The following ERBIN variants were observed in gnomAD, a reference collection of about 807,000 sequenced individuals.
ERBIN encodes densin-180-like protein.
ERBIN carries 60 observed loss-of-function variants against 158.4 expected under a neutral mutation model. That is an observed-to-expected ratio of 0.38 (90% CI 0.31 to 0.47). ERBIN has a LOEUF of 0.47. Among genes scored for constraint, ERBIN ranks in the 20% least tolerant of loss-of-function variants. The pLI is 0.99. For synonymous variants in ERBIN, 594 were observed against 557.2 expected (o/e 1.07, Z -0.93); for missense variants, 1,610 against 1,648.0 (o/e 0.98, Z 0.40).
Position 65,992,749 on chromosome 5 carries a change from T to C in ERBIN, c.31T>C (p.Leu11=), listed in dbSNP as rs958590349. 2.2e-5 allele frequency: 35 copies of C among 1,609,870 alleles called. No homozygotes were observed. The highest frequency in any genetic ancestry group is 2.8e-5 in the Non-Finnish European group (33 of 1,178,752). The change falls in exon 3 of 26, where the codon TTG becomes CTG. Residue 11 remains leucine (L), a synonymous_variant. Coordinates refer to ENST00000284037, the MANE Select transcript of ERBIN (RefSeq NM_001253697.2). ...TACAAAACGAAGTTTGTTTGTGCGGTTGGTACCATGTCGCTGTCTACGAGG... is the reference window on the plus strand; with the variant it reads ...TACAAAACGAAGTTTGTTTGTGCGGCTGGTACCATGTCGCTGTCTACGAGG... The part of the protein sequence containing the change: MTTKRSLFVR[L]VPCRCLRGEE...
chr5:65,997,880 CACAATTA>C (rs1752601378), intron 4 of ERBIN, among the ~76,000 whole-genome samples: 1 of 152,070 alleles, frequency 6.6e-6, no homozygotes, highest in Admixed American at 6.6e-5. Flanking sequence ...ATCCTGTTTT[CACAATTA>C]ACAGTTAACT....
intron 1 of ERBIN, among the ~76,000 whole-genome samples, chr5:65,956,029 G>A (rs894937766): frequency 6.6e-6 from 1 of 152,238 alleles, no homozygotes; most frequent in South Asian, 2.1e-4. Flanking sequence ...TATAGAGTTC[G>A]ACACTATCTG....
At chr5:65,959,925 A>T (rs1747728054) in intron 1 of ERBIN, among the ~76,000 whole-genome samples, 1 of 152,216 alleles carries the variant, frequency 6.6e-6, no homozygotes, top group Non-Finnish European at 1.5e-5. Context: ...AGTTAACTGG[A>T]ACCTTCAAAA....
In ERBIN at chr5:65,948,049, A is replaced by G. The variant is rs990098443; in HGVS notation, c.-58+21243A>G. Among the ~76,000 whole-genome samples the G allele has an allele frequency of 9.9e-5, 15 of 151,924 alleles. 1 individual carries two copies. In the South Asian group the frequency reaches 1.2e-3, roughly 13 times the overall value. On this transcript the variant is annotated intron_variant, in intron 1 of 25. Coordinates refer to ENST00000284037, the MANE Select transcript of ERBIN (RefSeq NM_001253697.2). ...AAATCTTAAATAATTTCTAATGTGCACATTGTTTATGTAAGAGCTATTGAA... is the reference window on the plus strand; with the variant it reads ...AAATCTTAAATAATTTCTAATGTGCGCATTGTTTATGTAAGAGCTATTGAA...
intron 4 of ERBIN, among the ~76,000 whole-genome samples, chr5:66,005,551 T>G (rs1753492544): frequency 6.6e-6 from 1 of 152,086 alleles, no homozygotes. Flanking sequence ...GAGCCCTGGT[T>G]GGGCAATCAG....
chr5:66,035,173 C>T (rs917053646), intron 14 of ERBIN, among the ~76,000 whole-genome samples: 24 of 152,166 alleles, frequency 1.6e-4, no homozygotes, highest in Non-Finnish European at 2.9e-5. Flanking sequence ...TTTCTCCCTA[C>T]TTTCTCCTGA....
At chr5:65,967,657 C>T (rs1748810396) in intron 1 of ERBIN, among the ~76,000 whole-genome samples, 1 of 152,172 alleles carries the variant, frequency 6.6e-6, no homozygotes, top group African/African-American at 2.4e-5. Flanking sequence ...TCTTAGAACA[C>T]ATCCTGTCAA....
chr5:65,928,462 G>T (rs1207978464), intron 1 of ERBIN, among the ~76,000 whole-genome samples: 1 of 152,102 alleles, frequency 6.6e-6, no homozygotes, highest in Non-Finnish European at 1.5e-5. Flanking sequence ...CTTATACTTG[G>T]CTTCAAAAGC....
intron 1 of ERBIN, among the ~76,000 whole-genome samples, chr5:65,930,943 G>A (rs1210349452): frequency 6.6e-6 from 1 of 152,136 alleles, no homozygotes. Context: ...TTCAAATTTT[G>A]TTCCAGACAC....
intron 1 of ERBIN, among the ~76,000 whole-genome samples, chr5:65,943,602 C>T (rs1342737131): frequency 2.0e-5 from 3 of 152,150 alleles, no homozygotes; most frequent in African/African-American, 7.2e-5. Context: ...CATCCAAGTC[C>T]AACTCAAGTA....
At chr5:65,959,188 G>T (rs1561297237) in intron 1 of ERBIN, among the ~76,000 whole-genome samples, 2 of 148,860 alleles carry the variant, frequency 1.3e-5, no homozygotes, top group Admixed American at 6.7e-5. Context: ...GGTGTTACCA[G>T]TTTTTTTTTT....
chr5:66,074,517 AAGC>A (rs1258154774), intron 22 of ERBIN, among the ~76,000 whole-genome samples: 1 of 152,216 alleles, frequency 6.6e-6, no homozygotes, highest in Non-Finnish European at 1.5e-5. Flanking sequence ...GAAGGAATAA[AAGC>A]AGAAAAATAA....
chr5:65,928,399 T>A (rs532595905), intron 1 of ERBIN, among the ~76,000 whole-genome samples: 14 of 152,336 alleles, frequency 9.2e-5, no homozygotes, highest in African/African-American at 3.1e-4. Context: ...TTCTTGGGCA[T>A]CTGAAAGAGG....
chr5:66,053,266 G>C (rs895785928), intron 20 of ERBIN, 140 bp from the exon 21 acceptor site: 3 of 452,288 alleles, frequency 6.6e-6, no homozygotes, highest in Non-Finnish European at 7.8e-6. Context: ...AAAATTACAT[G>C]CTTGATAATA....
intron 21 of ERBIN, among the ~76,000 whole-genome samples, chr5:66,068,546 G>A (rs1255113746): frequency 6.6e-6 from 1 of 152,106 alleles, no homozygotes; most frequent in African/African-American, 2.4e-5. Flanking sequence ...ACATACATCA[G>A]CATATGGCGT....
At chr5:66,077,985 C>T (rs1304484209) in intron 25 of ERBIN, among the ~76,000 whole-genome samples, 2 of 152,124 alleles carry the variant, frequency 1.3e-5, no homozygotes, top group African/African-American at 4.8e-5. Flanking sequence ...ATTCATATTA[C>T]ACCCTTAGAA....
At chr5:65,943,206 T>C (rs1460604299) in intron 1 of ERBIN, among the ~76,000 whole-genome samples, 1 of 152,208 alleles carries the variant, frequency 6.6e-6, no homozygotes, top group Non-Finnish European at 1.5e-5. Flanking sequence ...GTTCAGTAGT[T>C]ATAGCTTATG....
At position 65,931,612 on chromosome 5, in the gene ERBIN, T is replaced by C. The variant is rs549681186; in HGVS notation, c.-58+4806T>C. 3.3e-5 allele frequency among the ~76,000 whole-genome samples: 5 copies of C among 152,314 alleles called. No homozygotes were observed. The South Asian group carries it at 1.0e-3, about 32-fold the overall frequency. On this transcript the variant is annotated intron_variant, in intron 1 of 25. Coordinates refer to ENST00000284037, the MANE Select transcript of ERBIN (RefSeq NM_001253697.2). ...TGTTTTAATAAAAATATAATTGTTT[T>C]CTAAAATAAATAGCAAAAATAGTGG...
At chr5:66,071,926 C>T (rs1159226044) in intron 21 of ERBIN, among the ~76,000 whole-genome samples, 2 of 151,948 alleles carry the variant, frequency 1.3e-5, no homozygotes, top group East Asian at 3.9e-4. Flanking sequence ...GTGTATTGTA[C>T]ATAAGTAGAT....
Sources: gnomAD v4.1 joint callset for allele counts (sites outside exome capture counted in the v4.1 genomes callset) on GRCh38, gnomAD v4.1.1 for gene constraint, MANE v1.5 for transcripts, NCBI Gene and HGNC (gene_info 2026-07-23, HGNC 2026-07-21) for gene names.